Variants in SFMBT2 observed in about 807,000 individuals in gnomAD.
SFMBT2 encodes scm-like with four MBT domains protein 2.
Under a neutral mutation model 110.1 loss-of-function variants are expected in SFMBT2, and 38 were observed. The ratio of observed to expected loss-of-function variants is 0.35; its 90% CI spans 0.27 to 0.45. SFMBT2 has a LOEUF of 0.45. SFMBT2 is among the 20% of genes least tolerant of loss of function. The pLI, the probability that SFMBT2 is intolerant of heterozygous loss-of-function variation, is 1.00. For synonymous variants in SFMBT2, 425 were observed against 425.4 expected (o/e 1.00, Z 0.01); for missense variants, 1,011 against 1,094.9 (o/e 0.92, Z 1.08).
chr10:7,317,979 A>G (rs1843066063), intron 4 of SFMBT2, among the ~76,000 whole-genome samples: 1 of 152,242 alleles, frequency 6.6e-6, no homozygotes, highest in South Asian at 2.1e-4. Flanking sequence ...GGGACAGTCT[A>G]AGACGGTGGC....
intron 15 of SFMBT2, among the ~76,000 whole-genome samples, chr10:7,192,647 CAG>C (rs1346292685): frequency 2.0e-5 from 3 of 152,192 alleles, no homozygotes; most frequent in African/African-American, 7.2e-5. Context: ...GCATCAGCCA[CAG>C]GGGCAGAAAT....
At chr10:7,277,585 A>AG (rs933749424) in intron 6 of SFMBT2, 104 of 157,462 alleles carry the variant, frequency 6.6e-4, no homozygotes, top group Middle Eastern at 3.2e-3. Context: ...AGGCAGTGGG[A>AG]GGGGGGGCAA....
intron 9 of SFMBT2, among the ~76,000 whole-genome samples, chr10:7,234,364 AG>A (rs777243763): frequency 6.6e-6 from 1 of 152,212 alleles, no homozygotes; most frequent in African/African-American, 2.4e-5. Context: ...TTCTCTGCTG[AG>A]GGAATGTTCT....
intron 1 of SFMBT2, among the ~76,000 whole-genome samples, 37 bp downstream of exon 1, chr10:7,410,824 C>G (rs1281958555): frequency 1.3e-5 from 2 of 151,618 alleles, no homozygotes; most frequent in African/African-American, 4.8e-5. Context: ...TCCGGCCAGC[C>G]TGGGCGCCGG....
At chr10:7,182,914 G>A (rs1380073244) in intron 16 of SFMBT2, among the ~76,000 whole-genome samples, 1 of 151,928 alleles carries the variant, frequency 6.6e-6, no homozygotes, top group Non-Finnish European at 1.5e-5. Flanking sequence ...ATGAGATAAT[G>A]CTTTTCACTT....
chr10:7,319,986 G>C (rs1843132262), intron 4 of SFMBT2, among the ~76,000 whole-genome samples: 2 of 149,642 alleles, frequency 1.3e-5, no homozygotes, highest in African/African-American at 4.9e-5. Context: ...GAGACACAGA[G>C]AGAGAGACAG....
Position 7,163,969 on chromosome 10 carries a change from C to T in SFMBT2, c.2545-59G>A, listed in dbSNP as rs1050688105. On this transcript the variant is annotated intron_variant, in intron 20 of 20. Transcript: ENST00000397167. The surrounding 1 kb of genome is among the most constrained non-coding windows in gnomAD (Gnocchi z 4.8). ...CAGTGTGCACTGGGGTACACAGATGCGTCACAGCAGGCTCCAGTCCGGGGC... is the reference window on the plus strand; with the variant it reads ...CAGTGTGCACTGGGGTACACAGATGTGTCACAGCAGGCTCCAGTCCGGGGC... 1.2e-5 allele frequency: 19 copies of T among 1,547,378 alleles called. No homozygotes were observed. The highest frequency in any genetic ancestry group is 2.7e-5 in the African/African-American group (2 of 72,804).
intron 1 of SFMBT2, among the ~76,000 whole-genome samples, chr10:7,385,794 TCA>T: frequency 6.6e-6 from 1 of 152,010 alleles, no homozygotes; most frequent in East Asian, 2.0e-4. Flanking sequence ...GGTCAGGAGA[TCA>T]AGACCATCCT....
chr10:7,404,943 A>G (rs904855573), intron 1 of SFMBT2, among the ~76,000 whole-genome samples: 1 of 152,224 alleles, frequency 6.6e-6, no homozygotes, highest in Non-Finnish European at 1.5e-5. Flanking sequence ...AAAAGTTCTA[A>G]GCAGACTATC....
At position 7,172,190 on chromosome 10, in the gene SFMBT2, G is replaced by A; in HGVS notation, c.2152-32C>T. The A allele has an allele frequency of 6.6e-7, 1 of 1,523,146 alleles. No individual in the cohort carries two copies. Among genetic ancestry groups the A allele is most frequent in the Non-Finnish European group, 8.8e-7 (1 of 1,134,850 alleles). 94.4% of individuals were successfully genotyped at this position (1,523,146 alleles called of 1,614,324 possible). Reference sequence around the variant, plus strand: ...AGGAGGAAAAGGCATTTAAGGGGCTGGTGGCCCGGGGGCCTGTAGCGGTGG... The same window carrying A: ...AGGAGGAAAAGGCATTTAAGGGGCTAGTGGCCCGGGGGCCTGTAGCGGTGG... On this transcript the variant is annotated intron_variant, in intron 18 of 20. Transcript: ENST00000397167. This position sits in a 1 kb window ranked among gnomAD's most constrained non-coding sequence, Gnocchi z 4.6.
Position 7,365,735 on chromosome 10 carries a change from C to T in SFMBT2, c.436+1914G>A, listed in dbSNP as rs186340963. 1.3e-4 allele frequency among the ~76,000 whole-genome samples: 20 copies of T among 152,274 alleles called. No homozygotes were observed. In the East Asian group the frequency reaches 3.5e-3, roughly 26 times the overall value. ...AGAATAAACCAAACACAAAAGGCCA[C>T]ACAGCATAGGATTCCATGCATGTAA... On this transcript the variant is annotated intron_variant, in intron 4 of 20. Coordinates refer to ENST00000397167, the MANE Select transcript of SFMBT2 (RefSeq NM_001387889.1).
intron 1 of SFMBT2, among the ~76,000 whole-genome samples, chr10:7,393,219 C>A (rs1167649010): frequency 1.3e-5 from 2 of 151,552 alleles, no homozygotes; most frequent in Admixed American, 1.3e-4. Context: ...TTCGTAGAGA[C>A]GGCATTTTGC....
chr10:7,228,882 G>T (rs182210424), intron 9 of SFMBT2, among the ~76,000 whole-genome samples: 1 of 151,724 alleles, frequency 6.6e-6, no homozygotes. Flanking sequence ...GACAGGAGAC[G>T]AGGTGAGAGA....
chr10:7,278,555 G>A (rs759924021), intron 6 of SFMBT2, among the ~76,000 whole-genome samples: 4 of 152,178 alleles, frequency 2.6e-5, no homozygotes, highest in Non-Finnish European at 5.9e-5. Flanking sequence ...ATAAACACAT[G>A]CCCCTTTCCA....
intron 4 of SFMBT2, among the ~76,000 whole-genome samples, chr10:7,335,065 T>C (rs921762948): frequency 6.6e-6 from 1 of 152,006 alleles, no homozygotes; most frequent in Non-Finnish European, 1.5e-5. Context: ...TAGGCAAAGT[T>C]TGGGAGAAAC....
Position 7,159,128 on chromosome 10 carries a change from C to T in SFMBT2, c.*4642G>A, listed in dbSNP as rs1277985297. Reference sequence around the variant, plus strand: ...CAGCCACACAAAAAGCACTGCTCTGCGTTGGTTAGGCGACACGACCGTCAT... The same window carrying T: ...CAGCCACACAAAAAGCACTGCTCTGTGTTGGTTAGGCGACACGACCGTCAT... On this transcript the variant is annotated 3_prime_UTR_variant, in exon 21 of 21. Transcript: ENST00000397167. 6.6e-6 allele frequency: 1 copy of T among 152,166 alleles called. No homozygotes were observed. The highest frequency in any genetic ancestry group is 2.4e-5 in the African/African-American group (1 of 41,440). 9.4% of individuals were successfully genotyped at this position (152,166 alleles called of 1,614,324 possible).
chr10:7,286,607 T>C (rs1236251943), intron 4 of SFMBT2, among the ~76,000 whole-genome samples: 1 of 152,258 alleles, frequency 6.6e-6, no homozygotes, highest in African/African-American at 2.4e-5. Flanking sequence ...TAACAACTAT[T>C]TACATAGTAT....
chr10:7,270,083 A>T (rs758077050), intron 7 of SFMBT2, among the ~76,000 whole-genome samples: 1 of 152,166 alleles, frequency 6.6e-6, no homozygotes, highest in Non-Finnish European at 1.5e-5. Context: ...TGTAACTGCA[A>T]TTGAGTTAAG....
intron 1 of SFMBT2, among the ~76,000 whole-genome samples, chr10:7,391,294 T>C (rs1215118491): frequency 2.0e-5 from 3 of 151,526 alleles, no homozygotes; most frequent in African/African-American, 4.9e-5. Context: ...GGTGAAACCC[T>C]GTCTCTATTA....
Sources: gnomAD v4.1 joint callset for allele counts (sites outside exome capture counted in the v4.1 genomes callset) on GRCh38, gnomAD v4.1.1 for gene constraint, Gnocchi (gnomAD v3.1) non-coding constraint, MANE v1.5 for transcripts, NCBI Gene and HGNC (gene_info 2026-07-23, HGNC 2026-07-21) for gene names.